Variants in PRR12 observed in about 807,000 individuals in gnomAD.
PRR12 encodes the protein proline rich 12.
Under a neutral mutation model 138.0 loss-of-function variants are expected in PRR12, and 12 were observed. The ratio of observed to expected loss-of-function variants is 0.09; its 90% CI spans 0.06 to 0.14. The LOEUF (loss-of-function observed/expected upper bound fraction) is 0.14. PRR12 is among the 10% of genes least tolerant of loss of function. The probability of loss-of-function intolerance (pLI) is 1.00; values close to 1 mark genes in which losing one functional copy is unlikely to be tolerated. For missense variants in PRR12, 2,692 were observed against 2,861.3 expected, an observed-to-expected ratio of 0.94 and a Z score of 1.35; for synonymous variants, 1,567 against 1,291.7, an observed-to-expected ratio of 1.21 and a Z score of -4.57.
intron 9 of PRR12, among the ~76,000 whole-genome samples, chr19:49,618,746 C>T (rs1041347773): frequency 1.3e-5 from 2 of 152,026 alleles, no homozygotes; most frequent in African/African-American, 2.4e-5. Context: ...CAGCCCTGTC[C>T]GCCCCCATCC....
intron 6 of PRR12, among the ~76,000 whole-genome samples, chr19:49,602,699 A>G (rs1242097226): frequency 6.6e-6 from 1 of 152,090 alleles, no homozygotes; most frequent in Non-Finnish European, 1.5e-5. Context: ...CTACAGGCGC[A>G]GGCCACCACA....
At position 49,616,073 on chromosome 19, in the gene PRR12, C is replaced by T. The variant is rs1271388584; in HGVS notation, c.5351C>T (p.Ala1784Val). The T allele has an allele frequency of 1.1e-5, 17 of 1,566,270 alleles. No individual in the cohort carries two copies. The highest frequency in any genetic ancestry group is 1.5e-5 in the Non-Finnish European group (17 of 1,156,258). The change falls in exon 9 of 14, where the codon GCC becomes GTC. Residue 1784 changes from alanine to valine, a missense_variant. Coordinates refer to ENST00000418929, the MANE Select transcript of PRR12 (RefSeq NM_020719.3). The surrounding 1 kb of genome is among the most constrained non-coding windows in gnomAD (Gnocchi z 4.2). ...CCTGCCACATCCCGGCTGCCCAAAG[C>T]CCGGCCTACCAAGGTGAAGGCTGAA... ...GQPATSRLPK[A>V]RPTKVKAEPP...
In PRR12 at chr19:49,615,750, C is replaced by T. The variant is rs755698757; in HGVS notation, c.5028C>T (p.Arg1676=). ...TCCCTTCTCTGTTCCCTTCTAGACG[C>T]TCTGGGCAGGCCAAGAACCCCGTAT... ...PWHRPPVPVR[R]SGQAKNPVSA... The change falls in exon 9 of 14, where the codon CGC becomes CGT. Residue 1676 remains arginine (R), a synonymous_variant. Coordinates refer to ENST00000418929, the MANE Select transcript of PRR12 (RefSeq NM_020719.3). 23 of 1,611,988 alleles carry T rather than the reference C, an allele frequency of 1.4e-5. No individual in the cohort carries two copies. In the African/African-American group the frequency reaches 1.7e-4, roughly 12 times the overall value.
At chr19:49,592,339 C>T (rs1376120800) in intron 1 of PRR12, among the ~76,000 whole-genome samples, 1 of 152,152 alleles carries the variant, frequency 6.6e-6, no homozygotes, top group Admixed American at 6.5e-5. Flanking sequence ...CCCCCAAAGG[C>T]AGAGAATCCT....
In PRR12 at chr19:49,591,814, GGGC is replaced by G. The variant is rs1436899268; in HGVS notation, c.86+75_86+77del. 6.2e-5 allele frequency: 47 copies of G among 762,256 alleles called. 1 individual carries two copies. The South Asian group carries it at 2.3e-3, about 38-fold the overall frequency. The allele number at this position is 762,256 out of a possible 1,614,324, so 47.2% of individuals were successfully genotyped here. On this transcript the variant is annotated intron_variant, in intron 1 of 13. Transcript: ENST00000418929. ...CAGCCGGGCCGGGCCGGGCCGGGCC[GGGC>G]CCGCCCGGCGACGCGTGCATCGCAA...
chr19:49,603,303 C>T (rs752653303), intron 6 of PRR12, among the ~76,000 whole-genome samples: 1 of 152,262 alleles, frequency 6.6e-6, no homozygotes, highest in Non-Finnish European at 1.5e-5. Context: ...CTGATGGTGG[C>T]ATGGACGCCA....
chr19:49,625,455 C>G lies in PRR12; in HGVS notation c.5965-6C>G. 1 of 1,602,348 alleles carries G rather than the reference C, an allele frequency of 6.2e-7. No homozygotes were observed. The highest frequency in any genetic ancestry group is 8.5e-7 in the Non-Finnish European group (1 of 1,174,670). The stretch of plus-strand genomic sequence containing the variant: ...CCCTCCCCAGTGCCATGTTTGACCC[C>G]TGCAGACCCTGGCCATCGAGGGCGG... On this transcript the variant is annotated splice_region_variant and splice_polypyrimidine_tract_variant and intron_variant, in intron 13 of 13. Transcript: ENST00000418929. This position sits in a 1 kb window ranked among gnomAD's most constrained non-coding sequence, Gnocchi z 5.5.
At position 49,596,407 on chromosome 19, in the gene PRR12, C is replaced by T. The variant is rs780346736; in HGVS notation, c.2072C>T (p.Ala691Val). The change falls in exon 4 of 14, where the codon GCC (alanine) becomes GTC (valine). Residue 691 changes from alanine (A) to valine (V), a missense_variant. Ala to Val is a moderately conservative substitution (Grantham distance 64, BLOSUM62 0). Transcript: ENST00000418929. This position sits in a 1 kb window ranked among gnomAD's most constrained non-coding sequence, Gnocchi z 5.6. ...CCACCGGGTACACCCTACGAGTTGG[C>T]CAAGGAAGACCCCCAGAGGTACCAC... ...GGPPGTPYEL[A>V]KEDPQRYHLQ... 5.6e-6 allele frequency: 9 copies of T among 1,607,294 alleles called. No individual in the cohort carries two copies. The Admixed American group carries it at 1.5e-4, about 27-fold the overall frequency.
intron 11 of PRR12, among the ~76,000 whole-genome samples, chr19:49,623,814 C>CCGAGAA: frequency 6.9e-6 from 1 of 145,870 alleles, no homozygotes; most frequent in Non-Finnish European, 1.5e-5. Flanking sequence ...TAGGATGGGG[C>CCGAGAA]TGGGAATTCT....
intron 9 of PRR12, among the ~76,000 whole-genome samples, chr19:49,619,501 G>C (rs112378716): frequency 0.43 from 60,156 of 140,580 alleles, 14,430 homozygotes; most frequent in African/African-American, 0.67. Context: ...TCCCAAAGTG[G>C]TGGGATTACA....
intron 11 of PRR12, among the ~76,000 whole-genome samples, chr19:49,622,926 T>TAGAG (rs1195125504): frequency 8.9e-4 from 78 of 87,480 alleles, no homozygotes; most frequent in East Asian, 6.9e-3. Flanking sequence ...TATATATATA[T>TAGAG]ATAGAGAGAG....
intron 6 of PRR12, among the ~76,000 whole-genome samples, chr19:49,605,701 C>G (rs1164850705): frequency 6.6e-6 from 1 of 152,258 alleles, no homozygotes; most frequent in African/African-American, 2.4e-5. Context: ...TGGGGAAGTT[C>G]ACGTTCAGAG....
chr19:49,622,261 T>C (rs2080926945), intron 11 of PRR12, among the ~76,000 whole-genome samples: 1 of 152,040 alleles, frequency 6.6e-6, no homozygotes, highest in Non-Finnish European at 1.5e-5. Flanking sequence ...GGTGCTGAGA[T>C]GGCTGGTGGG....
chr19:49,624,796 G>T (rs748165941), intron 11 of PRR12, 48 bp from the exon 12 acceptor site: 11 of 1,591,866 alleles, frequency 6.9e-6, no homozygotes, highest in Non-Finnish European at 9.4e-6. Context: ...TGGGTTTGGG[G>T]TTTATGGATC....
rs540658450 is a variant in PRR12, at chr19:49,625,484, C to T, written c.5988C>T (p.Ala1996=). The part of the protein sequence containing the change: ...RDQTLAIEGG[A]EDLGQEEVVQ... Reference sequence around the variant, plus strand: ...AGACCCTGGCCATCGAGGGCGGCGCCGAGGACCTGGGCCAGGAGGAGGTGG... The same window carrying T: ...AGACCCTGGCCATCGAGGGCGGCGCTGAGGACCTGGGCCAGGAGGAGGTGG... Residue 1996 remains alanine, a synonymous_variant, in exon 14 of 14, where the codon GCC becomes GCT. Coordinates refer to ENST00000418929, the MANE Select transcript of PRR12 (RefSeq NM_020719.3). The surrounding 1 kb of genome is among the most constrained non-coding windows in gnomAD (Gnocchi z 5.5). The T allele has an allele frequency of 1.4e-5, 23 of 1,609,210 alleles. No homozygotes were observed. The highest frequency in any genetic ancestry group is 5.5e-5 in the South Asian group (5 of 90,210).
rs944409002 is a variant in PRR12 at position 49,594,934 on chromosome 19, C to A, written c.599C>A (p.Pro200His). The A allele has an allele frequency of 1.3e-5, 21 of 1,605,742 alleles. No homozygotes were observed. In the African/African-American group the frequency reaches 2.7e-4, roughly 20 times the overall value. The change falls in exon 4 of 14, where the codon CCC (proline) becomes CAC (histidine). Residue 200 changes from proline (P) to histidine (H), a missense_variant. This residue lies in a region of PRR12 where 523 missense variants were observed against 496.4 expected (regional missense o/e 1.05). Coordinates refer to ENST00000418929, the MANE Select transcript of PRR12 (RefSeq NM_020719.3). The surrounding 1 kb of genome is among the most constrained non-coding windows in gnomAD (Gnocchi z 5.6). ...HLKPSQAPTV[P>H]SSLGFERLAG... ...AAGCCCTCGCAGGCACCCACGGTGC[C>A]CTCTTCACTGGGCTTCGAGCGCCTG...
Position 49,596,418 on chromosome 19 carries a change from C to T in PRR12, c.2083C>T (p.Pro695Ser). 3 of 1,609,460 alleles carry T rather than the reference C, an allele frequency of 1.9e-6. No homozygotes were observed. In the Admixed American group the frequency reaches 5.0e-5, roughly 27 times the overall value. ...GTPYELAKEDPQRYHLQSVIR... is the reference protein window; with the variant it reads ...GTPYELAKEDSQRYHLQSVIR... The stretch of plus-strand genomic sequence containing the variant: ...ACCCTACGAGTTGGCCAAGGAAGAC[C>T]CCCAGAGGTACCACCTGCAGAGTGT... Residue 695 changes from proline (P) to serine (S), a missense_variant, in exon 4 of 14, where the codon CCC (proline) becomes TCC (serine). By Grantham distance (74) the Pro-to-Ser change is moderately conservative. Coordinates refer to ENST00000418929, the MANE Select transcript of PRR12 (RefSeq NM_020719.3). This position sits in a 1 kb window ranked among gnomAD's most constrained non-coding sequence, Gnocchi z 5.6.
In PRR12 at chr19:49,596,855, C is replaced by A; in HGVS notation, c.2520C>A (p.Pro840=). ...DGAPQPPPPP[P]PPPPPMPLQL... is the part of the protein sequence containing the mutation. ...CACCCCAGCCACCTCCACCGCCACC[C>A]CCGCCTCCACCACCCATGCCCCTGC... is the stretch of plus-strand genomic sequence containing the variant. The change falls in exon 4 of 14, where the codon CCC becomes CCA. Residue 840 remains proline, a synonymous_variant. Transcript: ENST00000418929. This position sits in a 1 kb window ranked among gnomAD's most constrained non-coding sequence, Gnocchi z 5.6. The A allele has an allele frequency of 6.3e-7, 1 of 1,575,464 alleles. No homozygotes were observed. Among genetic ancestry groups the A allele is most frequent in the Non-Finnish European group, 8.6e-7 (1 of 1,167,622 alleles).
At position 49,593,181 on chromosome 19, in the gene PRR12, C is replaced by T. The variant is rs1024563189; in HGVS notation, c.87-146C>T. On this transcript the variant is annotated intron_variant, in intron 1 of 13. Coordinates refer to ENST00000418929, the MANE Select transcript of PRR12 (RefSeq NM_020719.3). ...GAGCACCCCGATTCCCTTGTGTTCT[C>T]CCCTTTAGGGCCTACGGTTCCTTAG... 3.8e-5 allele frequency: 22 copies of T among 584,970 alleles called. No homozygotes were observed. The East Asian group carries it at 6.5e-4, about 17-fold the overall frequency. The allele number at this position is 584,970 out of a possible 1,614,324, so 36.2% of individuals were successfully genotyped here.
Sources: gnomAD v4.1 joint callset for allele counts (sites outside exome capture counted in the v4.1 genomes callset) on GRCh38, gnomAD v4.1.1 for gene constraint, gnomAD v4.1.1 regional missense constraint, Gnocchi (gnomAD v3.1) non-coding constraint, MANE v1.5 for transcripts, NCBI Gene and HGNC (gene_info 2026-07-23, HGNC 2026-07-21) for gene names.